SHISA6: variants seen among roughly 807,000 people sequenced by gnomAD.
SHISA6 encodes the protein protein shisa-6.
In SHISA6, 22 loss-of-function variants were observed where a neutral mutation model predicts 47.9. That is an observed-to-expected ratio of 0.46 (90% CI 0.33 to 0.66). The LOEUF (loss-of-function observed/expected upper bound fraction) is 0.66. Ranked by LOEUF, SHISA6 falls within the 30% of genes least tolerant of loss-of-function variation. The pLI is 0.02. For synonymous variants in SHISA6, 388 were observed against 337.8 expected (o/e 1.15, Z -1.63); for missense variants, 680 against 764.6 (o/e 0.89, Z 1.30).
chr17:11,366,951 T>A (rs532774873), intron 2 of SHISA6, among the ~76,000 whole-genome samples: 1 of 152,214 alleles, frequency 6.6e-6, no homozygotes, highest in South Asian at 2.1e-4. Flanking sequence ...TAAGATGAGG[T>A]CATACTGAAT....
chr17:11,435,285 A>G (rs903953544), intron 3 of SHISA6, among the ~76,000 whole-genome samples: 10 of 152,174 alleles, frequency 6.6e-5, no homozygotes, highest in African/African-American at 1.9e-4. Flanking sequence ...TAGGAATCAC[A>G]TTTACTTGTA....
chr17:11,518,444 AACAC>A (rs145506282), intron 3 of SHISA6, among the ~76,000 whole-genome samples: 1 of 151,214 alleles, frequency 6.6e-6, no homozygotes, highest in Admixed American at 6.6e-5. Context: ...TGGGCCAGGA[AACAC>A]ACACACACAC....
chr17:11,497,436 A>C (rs978184199), intron 3 of SHISA6, among the ~76,000 whole-genome samples: 1 of 152,130 alleles, frequency 6.6e-6, no homozygotes, highest in Non-Finnish European at 1.5e-5. Context: ...AGACTACTAC[A>C]ACCATCCAAG....
chr17:11,510,351 C>G (rs1393084270), intron 3 of SHISA6, among the ~76,000 whole-genome samples: 1 of 152,158 alleles, frequency 6.6e-6, no homozygotes, highest in Non-Finnish European at 1.5e-5. Flanking sequence ...GTCCTGGGTC[C>G]TGGGTAGGGG....
rs1178345625 is a variant in SHISA6 at position 11,559,295 on chromosome 17, G to A, written c.*991G>A. 1 of 152,610 alleles carries A rather than the reference G, an allele frequency of 6.6e-6. No homozygotes were observed. 9.5% of individuals were successfully genotyped at this position (152,610 alleles called of 1,614,324 possible). ...GGCACCTGCGGTGGCCAGAGAGCCA[G>A]GGTGGGGAGGGCCACTGTGATGTGC... is the stretch of plus-strand genomic sequence containing the variant. On this transcript the variant is annotated 3_prime_UTR_variant, in exon 6 of 6. Coordinates refer to ENST00000441885, the MANE Select transcript of SHISA6 (RefSeq NM_207386.4). This position sits in a 1 kb window ranked among gnomAD's most constrained non-coding sequence, Gnocchi z 4.4.
chr17:11,316,411 C>T (rs1428151757), intron 2 of SHISA6, among the ~76,000 whole-genome samples: 85 of 67,106 alleles, frequency 1.3e-3, no homozygotes, highest in Non-Finnish European at 1.9e-3. Flanking sequence ...CTCTCTCTCT[C>T]TCTCTCTCTT....
chr17:11,242,114 G>C, intron 1 of SHISA6, 54 bp downstream of exon 1: 1 of 1,544,300 alleles, frequency 6.5e-7, no homozygotes, highest in South Asian at 1.2e-5. Flanking sequence ...CACCCTCTCA[G>C]CTTGCTTCCC....
At chr17:11,282,323 A>G (rs976691796) in intron 2 of SHISA6, among the ~76,000 whole-genome samples, 1 of 152,120 alleles carries the variant, frequency 6.6e-6, no homozygotes, top group Non-Finnish European at 1.5e-5. Flanking sequence ...ATTCAACAAG[A>G]TCGAAAGTTC....
chr17:11,243,626 G>T (rs1907461606), intron 1 of SHISA6, among the ~76,000 whole-genome samples: 1 of 152,170 alleles, frequency 6.6e-6, no homozygotes, highest in Non-Finnish European at 1.5e-5. Flanking sequence ...CATCTTGTCT[G>T]GCAAAGAATT....
intron 2 of SHISA6, among the ~76,000 whole-genome samples, chr17:11,314,818 G>A (rs143424915): frequency 5.1e-4 from 77 of 152,206 alleles, no homozygotes; most frequent in African/African-American, 1.8e-3. Context: ...GAGACTACAG[G>A]GGTGAGCCAC....
At chr17:11,325,891 T>G (rs17596918) in intron 2 of SHISA6, among the ~76,000 whole-genome samples, 1 of 151,976 alleles carries the variant, frequency 6.6e-6, no homozygotes, top group African/African-American at 2.4e-5. Flanking sequence ...AAAACAATAA[T>G]GGGGACAGCC....
At chr17:11,473,191 T>G in intron 3 of SHISA6, among the ~76,000 whole-genome samples, 1 of 152,206 alleles carries the variant, frequency 6.6e-6, no homozygotes, top group Non-Finnish European at 1.5e-5. Context: ...AATTATTTCT[T>G]TCATGAATAT....
chr17:11,249,270 G>A (rs1176793873), intron 1 of SHISA6, among the ~76,000 whole-genome samples: 2 of 151,906 alleles, frequency 1.3e-5, no homozygotes, highest in African/African-American at 4.8e-5. Context: ...GAGACCTCCC[G>A]CCATCCAGTG....
At chr17:11,428,348 A>T (rs969164988) in intron 3 of SHISA6, among the ~76,000 whole-genome samples, 1 of 152,230 alleles carries the variant, frequency 6.6e-6, no homozygotes, top group African/African-American at 2.4e-5. Flanking sequence ...AGAGTTCGGC[A>T]TGAGCAAATT....
intron 3 of SHISA6, among the ~76,000 whole-genome samples, chr17:11,518,222 C>T (rs780000757): frequency 1.3e-5 from 2 of 152,012 alleles, no homozygotes; most frequent in Non-Finnish European, 2.9e-5. Flanking sequence ...GCCTTATTTT[C>T]TTCTTTGTAA....
chr17:11,541,878 A>G (rs986741810), intron 3 of SHISA6, among the ~76,000 whole-genome samples: 1 of 152,116 alleles, frequency 6.6e-6, no homozygotes, highest in East Asian at 1.9e-4. Context: ...TGTGCCCAGA[A>G]CTCCAGTGAA....
At chr17:11,251,035 C>T (rs963378305) in intron 1 of SHISA6, among the ~76,000 whole-genome samples, 3 of 151,994 alleles carry the variant, frequency 2.0e-5, no homozygotes, top group Admixed American at 6.6e-5. Flanking sequence ...ATGAGGAAAC[C>T]GATTCAGAGA....
chr17:11,501,305 T>C (rs900640821), intron 3 of SHISA6, among the ~76,000 whole-genome samples: 2 of 152,020 alleles, frequency 1.3e-5, no homozygotes, highest in Non-Finnish European at 2.9e-5. Flanking sequence ...AGAGATGGGG[T>C]TTCACCATGT....
chr17:11,557,266 G>A (rs1318323461), intron 5 of SHISA6, among the ~76,000 whole-genome samples: 1 of 152,226 alleles, frequency 6.6e-6, no homozygotes, highest in Non-Finnish European at 1.5e-5. Context: ...GACCTCATCA[G>A]GAAGCTTCAA....
Sources: allele counts gnomAD v4.1 joint callset (sites outside exome capture counted in the v4.1 genomes callset), GRCh38; gene constraint gnomAD v4.1.1; non-coding constraint Gnocchi (gnomAD v3.1); transcripts MANE v1.5; gene names NCBI Gene and HGNC (gene_info 2026-07-23, HGNC 2026-07-21).